The following ARHGEF33 variants were observed in gnomAD, a reference collection of about 807,000 sequenced individuals.
ARHGEF33 encodes Rho guanine nucleotide exchange factor 33, also known as DH and coiled-coil domain-containing protein ENSP00000381780.
A neutral mutation model predicts 101.9 loss-of-function variants in ARHGEF33; 72 were observed. That is an observed-to-expected ratio of 0.71 (90% CI 0.58 to 0.86). The LOEUF (loss-of-function observed/expected upper bound fraction) is 0.86. Ranked by LOEUF, ARHGEF33 falls within the 40% of genes least tolerant of loss-of-function variation. ARHGEF33 has a pLI of 0.00. For missense variants in ARHGEF33, 1,169 were observed against 1,111.3 expected, an observed-to-expected ratio of 1.05 and a Z score of -0.74; for synonymous variants, 499 against 442.5, an observed-to-expected ratio of 1.13 and a Z score of -1.60.
chr2:38,961,505 C>G (rs1009026956), intron 16 of ARHGEF33, among the ~76,000 whole-genome samples: 1 of 152,152 alleles, frequency 6.6e-6, no homozygotes, highest in African/African-American at 2.4e-5. Flanking sequence ...TCTGATTAAG[C>G]AGAGCATAAG....
chr2:38,960,118 G>T lies in ARHGEF33; in HGVS notation c.1813G>T (p.Ala605Ser). 6.5e-7 allele frequency: 1 copy of T among 1,542,172 alleles called. No homozygotes were observed. Residue 605 changes from alanine (A) to serine (S), a missense_variant, in exon 16 of 18, where the codon GCC (alanine) becomes TCC (serine). Transcript: ENST00000409978. ...LRAPAELLPDARGFVPAAYEE... is the reference protein window; with the variant it reads ...LRAPAELLPDSRGFVPAAYEE... Reference sequence around the variant, plus strand: ...CGCCCCGGCCGAGCTCCTGCCCGATGCCCGCGGCTTCGTGCCCGCGGCCTA... The same window carrying T: ...CGCCCCGGCCGAGCTCCTGCCCGATTCCCGCGGCTTCGTGCCCGCGGCCTA...
chr2:38,907,860 A>ATT lies in ARHGEF33; in HGVS notation c.-85-11487_-85-11486dup, dbSNP rs553491008. Among the ~76,000 whole-genome samples the ATT allele has an allele frequency of 6.9e-3, 913 of 131,710 alleles. 11 individuals are homozygous for ATT. Among genetic ancestry groups the ATT allele is most frequent in the African/African-American group, 0.024 (877 of 35,918 alleles). The allele number at this position is 131,710 out of a possible 152,430, so 86.4% of individuals were successfully genotyped here. ...CCTCTTGCACAGTGTCTCTGGGAGG[A>ATT]TTTTTTTTTTTTTTTTTAGACAATG... is the stretch of plus-strand genomic sequence containing the variant. On this transcript the variant is annotated intron_variant, in intron 2 of 17. Transcript: ENST00000409978.
At chr2:38,932,075 C>CT (rs1553342286) in intron 7 of ARHGEF33, among the ~76,000 whole-genome samples, 3 of 152,114 alleles carry the variant, frequency 2.0e-5, no homozygotes, top group Non-Finnish European at 4.4e-5. Flanking sequence ...AATCAAGTGG[C>CT]TTTTAACTGG....
chr2:38,949,757 C>A (rs1240033096), intron 10 of ARHGEF33, among the ~76,000 whole-genome samples: 1 of 152,202 alleles, frequency 6.6e-6, no homozygotes, highest in East Asian at 1.9e-4. Context: ...GTTCTGCAGG[C>A]TGTACAGGAA....
intron 13 of ARHGEF33, among the ~76,000 whole-genome samples, chr2:38,954,743 C>T (rs1052433662): frequency 6.6e-6 from 1 of 151,600 alleles, no homozygotes; most frequent in Non-Finnish European, 1.5e-5. Flanking sequence ...AAGTGACTCT[C>T]CTGCATCAGC....
chr2:38,954,948 C>G (rs1667703184), intron 13 of ARHGEF33, among the ~76,000 whole-genome samples: 1 of 152,108 alleles, frequency 6.6e-6, no homozygotes, highest in South Asian at 2.1e-4. Flanking sequence ...ATCTTTATTT[C>G]TAAAAATTTT....
chr2:38,955,946 G>A (rs1474915699), intron 13 of ARHGEF33, among the ~76,000 whole-genome samples: 1 of 152,094 alleles, frequency 6.6e-6, no homozygotes, highest in Non-Finnish European at 1.5e-5. Context: ...TGGGATGACA[G>A]GTGTGAGCCA....
In ARHGEF33 at chr2:38,960,195, CGAG is replaced by C. The variant is rs1424090258; in HGVS notation, c.1894_1896del (p.Glu632del). On this transcript the variant is annotated inframe_deletion, in exon 16 of 18. Transcript: ENST00000409978. ...TCTTCGCGCTGCCCGCGCCCTACGACGAGGAGCCGTTCCAGGCTCCGGCCCTCT... is the reference window on the plus strand; with the variant it reads ...TCTTCGCGCTGCCCGCGCCCTACGACGAGCCGTTCCAGGCTCCGGCCCTCT... The C allele has an allele frequency of 1.3e-6, 2 of 1,544,718 alleles. No individual in the cohort carries two copies. Among genetic ancestry groups the C allele is most frequent in the Admixed American group, 2.0e-5 (1 of 50,874 alleles).
In ARHGEF33 at chr2:38,975,021, TC is replaced by T. The variant is rs1336103147; in HGVS notation, c.*1181del. 2 of 152,214 alleles carry T rather than the reference TC, an allele frequency of 1.3e-5. No individual in the cohort carries two copies. The highest frequency in any genetic ancestry group is 1.3e-4 in the Admixed American group (2 of 15,284). 9.4% of individuals were successfully genotyped at this position (152,214 alleles called of 1,614,324 possible). ...TTGGGTTTAAACAATTTGTCTTTATTCCCAGGCAGTTCGGTATAGTAAATTA... is the reference window on the plus strand; with the variant it reads ...TTGGGTTTAAACAATTTGTCTTTATTCCAGGCAGTTCGGTATAGTAAATTA... On this transcript the variant is annotated 3_prime_UTR_variant, in exon 18 of 18. Coordinates refer to ENST00000409978, the MANE Select transcript of ARHGEF33 (RefSeq NM_001145451.5).
At chr2:38,957,839 G>A (rs1406611559) in intron 14 of ARHGEF33, 195 bp from the exon 15 acceptor site, 5 of 601,164 alleles carry the variant, frequency 8.3e-6, no homozygotes, top group Non-Finnish European at 1.4e-5. Context: ...TTTTCAGCCA[G>A]TGAATCAGCT....
chr2:38,958,800 G>A (rs1411594912), intron 15 of ARHGEF33, among the ~76,000 whole-genome samples: 1 of 152,162 alleles, frequency 6.6e-6, no homozygotes, highest in Non-Finnish European at 1.5e-5. Context: ...TCCTGCCTCA[G>A]CCTCCCGACT....
In ARHGEF33 at chr2:38,957,050, A is replaced by G; in HGVS notation, c.1370+3A>G. The G allele has an allele frequency of 1.3e-6, 2 of 1,551,730 alleles. No homozygotes were observed. Among genetic ancestry groups the G allele is most frequent in the Non-Finnish European group, 1.7e-6 (2 of 1,147,014 alleles). On this transcript the variant is annotated splice_donor_region_variant and intron_variant, in intron 14 of 17. Transcript: ENST00000409978. ...CAGAAACGGAAAAAGCTCAAGAAGT[A>G]AGGTTCTGATGGTGTGGTCTAGAGG...
intron 2 of ARHGEF33, among the ~76,000 whole-genome samples, chr2:38,914,614 C>G (rs1289002334): frequency 6.7e-6 from 1 of 150,112 alleles, no homozygotes; most frequent in African/African-American, 2.5e-5. Context: ...TTGCAGTGAG[C>G]CTGGATCTCA....
chr2:38,950,884 A>G (rs1443092057), intron 10 of ARHGEF33, 105 bp from the exon 11 acceptor site: 5 of 1,068,868 alleles, frequency 4.7e-6, no homozygotes, highest in Non-Finnish European at 6.7e-6. Flanking sequence ...TGTGACTCAC[A>G]GTATGTTGGA....
chr2:38,952,703 ATT>A (rs11455955), intron 11 of ARHGEF33, among the ~76,000 whole-genome samples: 1 of 145,096 alleles, frequency 6.9e-6, no homozygotes, highest in African/African-American at 2.5e-5. Context: ...TTTAAGATAC[ATT>A]TTTTTTTTTT....
At chr2:38,918,938 T>A (rs184713480) in intron 2 of ARHGEF33, among the ~76,000 whole-genome samples, 1 of 151,562 alleles carries the variant, frequency 6.6e-6, no homozygotes, top group Non-Finnish European at 1.5e-5. Context: ...CCCAGCTATT[T>A]GGGAGGCTGA....
intron 2 of ARHGEF33, among the ~76,000 whole-genome samples, chr2:38,905,931 T>C (rs1666377372): frequency 6.6e-6 from 1 of 152,142 alleles, no homozygotes; most frequent in South Asian, 2.1e-4. Flanking sequence ...GTTCAGTGTC[T>C]TTCCTCACAT....
intron 3 of ARHGEF33, among the ~76,000 whole-genome samples, chr2:38,919,825 T>C (rs1365136162): frequency 6.6e-6 from 1 of 152,170 alleles, no homozygotes; most frequent in African/African-American, 2.4e-5. Context: ...AAAACAACTA[T>C]ATAGAAGTAG....
At chr2:38,971,780 G>T in intron 17 of ARHGEF33, 4 of 716,900 alleles carry the variant, frequency 5.6e-6, no homozygotes, top group East Asian at 2.7e-5. Flanking sequence ...CATAGGGAAG[G>T]TACAATTTGT....
Sources: allele counts gnomAD v4.1 joint callset (sites outside exome capture counted in the v4.1 genomes callset), GRCh38; gene constraint gnomAD v4.1.1; transcripts MANE v1.5; gene names NCBI Gene and HGNC (gene_info 2026-07-23, HGNC 2026-07-21).